Variants in SEC24D observed in about 807,000 individuals in gnomAD.
The protein encoded by SEC24D is SEC24 homolog D, COPII component.
SEC24D carries 69 observed loss-of-function variants against 116.9 expected under a neutral mutation model. The ratio of observed to expected loss-of-function variants is 0.59; its 90% CI spans 0.49 to 0.72. The LOEUF is 0.72. SEC24D is among the 30% of genes least tolerant of loss of function. The probability of loss-of-function intolerance (pLI) is 0.00; values close to 1 mark genes in which losing one functional copy is unlikely to be tolerated. For synonymous variants in SEC24D, 405 were observed against 442.8 expected, an observed-to-expected ratio of 0.91 and a Z score of 1.07; for missense variants, 1,131 against 1,264.1, an observed-to-expected ratio of 0.89 and a Z score of 1.60.
At chr4:118,819,530 C>CAA (rs373794417) in intron 3 of SEC24D, among the ~76,000 whole-genome samples, 910 of 59,190 alleles carry the variant, frequency 0.015, 14 homozygotes, top group East Asian at 0.038. Context: ...GACCCCGTCT[C>CAA]AAAAAAAAAA....
At chr4:118,822,577 T>A (rs1006210716) in intron 3 of SEC24D, among the ~76,000 whole-genome samples, 5 of 151,978 alleles carry the variant, frequency 3.3e-5, no homozygotes, top group Admixed American at 2.6e-4. Context: ...TTTACAACAA[T>A]TTTTTTTGCC....
rs1365665482 is a variant in SEC24D at position 118,744,943 on chromosome 4, C to T, written c.1824+1G>A. The T allele has an allele frequency of 3.3e-6, 5 of 1,501,896 alleles. No individual in the cohort carries two copies. Among genetic ancestry groups the T allele is most frequent in the Non-Finnish European group, 4.6e-6 (5 of 1,079,536 alleles). 93.0% of individuals were successfully genotyped at this position (1,501,896 alleles called of 1,614,324 possible). A position where few individuals can be genotyped will look rare whatever the true frequency, so the allele number is the denominator to read the frequency against. On this transcript the variant is annotated splice_donor_variant, in intron 14 of 22. Coordinates refer to ENST00000280551, the MANE Select transcript of SEC24D (RefSeq NM_014822.4). LOFTEE classifies it high-confidence loss of function. ...TGGATACTCAAAGAGTTACAAAGTA[C>T]CTTCTCTTTGTCTGTATTAACCAGT...
At chr4:118,828,202 A>G (rs2110539875) in intron 2 of SEC24D, among the ~76,000 whole-genome samples, 1 of 151,684 alleles carries the variant, frequency 6.6e-6, no homozygotes, top group South Asian at 2.1e-4. Context: ...TCCGCCTCCC[A>G]GGTTCACGCC....
At chr4:118,743,640 A>G (rs1560623908) in intron 15 of SEC24D, among the ~76,000 whole-genome samples, 1 of 152,226 alleles carries the variant, frequency 6.6e-6, no homozygotes, top group Non-Finnish European at 1.5e-5. Context: ...CTGGGATTAC[A>G]GGCATTGGGC....
At chr4:118,764,744 G>T in intron 10 of SEC24D, 58 bp downstream of exon 10, 1 of 977,034 alleles carries the variant, frequency 1.0e-6, no homozygotes, top group Non-Finnish European at 1.6e-6. Flanking sequence ...ACATATGAAA[G>T]TTATTCACTT....
Position 118,815,183 on chromosome 4 carries a change from G to C in SEC24D, c.674-28C>G, listed in dbSNP as rs1289014614. 1.9e-6 allele frequency: 3 copies of C among 1,613,030 alleles called. No individual in the cohort carries two copies. In the South Asian group the frequency reaches 3.3e-5, roughly 18 times the overall value. On this transcript the variant is annotated intron_variant, in intron 5 of 22. Coordinates refer to ENST00000280551, the MANE Select transcript of SEC24D (RefSeq NM_014822.4). ...GCTTGGAAAAAATTTAAAGAGAAAT[G>C]ACTATCATCCCAAATCCAGCATGTA...
chr4:118,779,792 G>A (rs1728313519), intron 8 of SEC24D, among the ~76,000 whole-genome samples: 2 of 152,070 alleles, frequency 1.3e-5, no homozygotes, highest in African/African-American at 4.8e-5. Context: ...CCTTTTATTG[G>A]TCTATTCAGA....
chr4:118,727,641 GC>G (rs761659865), intron 22 of SEC24D, among the ~76,000 whole-genome samples: 52 of 151,828 alleles, frequency 3.4e-4, no homozygotes, highest in Non-Finnish European at 6.3e-4. Context: ...CAGAGAGAAT[GC>G]CCTAGAAAAA....
chr4:118,822,957 C>T (rs1730458429), intron 3 of SEC24D, among the ~76,000 whole-genome samples: 2 of 151,974 alleles, frequency 1.3e-5, no homozygotes, highest in South Asian at 4.2e-4. Flanking sequence ...CTGTGAGCCA[C>T]CACACCCGGC....
intron 6 of SEC24D, among the ~76,000 whole-genome samples, chr4:118,806,962 G>A (rs188877721): frequency 6.6e-6 from 1 of 152,086 alleles, no homozygotes; most frequent in African/African-American, 2.4e-5. Flanking sequence ...ATTCCAGCCT[G>A]GGCAACAGAG....
chr4:118,814,728 G>A (rs539371864), intron 6 of SEC24D, among the ~76,000 whole-genome samples: 1 of 151,766 alleles, frequency 6.6e-6, no homozygotes, highest in Non-Finnish European at 1.5e-5. Context: ...ATTAGATAGC[G>A]ATACTGCCAA....
chr4:118,767,963 T>C (rs1029743370), intron 9 of SEC24D, among the ~76,000 whole-genome samples: 2 of 152,210 alleles, frequency 1.3e-5, no homozygotes, highest in Non-Finnish European at 2.9e-5. Context: ...ACATTTCAAC[T>C]TCCATGTGGG....
intron 11 of SEC24D, among the ~76,000 whole-genome samples, chr4:118,755,664 G>A (rs1340499560): frequency 2.6e-5 from 4 of 152,048 alleles, no homozygotes; most frequent in Non-Finnish European, 5.9e-5. Flanking sequence ...CACACTCTCA[G>A]ATGTTAATCA....
At chr4:118,763,980 C>A (rs1727514653) in intron 10 of SEC24D, among the ~76,000 whole-genome samples, 1 of 152,078 alleles carries the variant, frequency 6.6e-6, no homozygotes, top group African/African-American at 2.4e-5. Flanking sequence ...AAAATTTCAG[C>A]CAGGCATTAC....
intron 8 of SEC24D, among the ~76,000 whole-genome samples, chr4:118,785,885 T>C (rs1728647053): frequency 6.6e-6 from 1 of 152,176 alleles, no homozygotes; most frequent in Admixed American, 6.5e-5. Flanking sequence ...GAAGTTCTCA[T>C]ACTTCTCTTT....
intron 3 of SEC24D, among the ~76,000 whole-genome samples, chr4:118,823,918 CT>C (rs1730496504): frequency 6.6e-6 from 1 of 152,234 alleles, no homozygotes; most frequent in South Asian, 2.1e-4. Flanking sequence ...TTTTAAAATA[CT>C]TATTAAGCAC....
intron 10 of SEC24D, among the ~76,000 whole-genome samples, chr4:118,759,790 G>T (rs1727280040): frequency 6.6e-6 from 1 of 152,044 alleles, no homozygotes; most frequent in South Asian, 2.1e-4. Flanking sequence ...TCGTTCATTT[G>T]CTCAGTTTTA....
Position 118,778,586 on chromosome 4 carries a change from G to A in SEC24D, c.1042-10275C>T, listed in dbSNP as rs373098376. Among the ~76,000 whole-genome samples the A allele has an allele frequency of 6.0e-4, 92 of 152,316 alleles. 1 individual carries two copies. In the South Asian group the frequency reaches 7.9e-3, roughly 13 times the overall value. Reference sequence around the variant, plus strand: ...TTTTGCTTAGGATTGCTTTGGCAATGCAGGCTCTTTTTTGGTTCCATATGA... The same window carrying A: ...TTTTGCTTAGGATTGCTTTGGCAATACAGGCTCTTTTTTGGTTCCATATGA... On this transcript the variant is annotated intron_variant, in intron 8 of 22. Coordinates refer to ENST00000280551, the MANE Select transcript of SEC24D (RefSeq NM_014822.4).
intron 1 of SEC24D, 71 bp from the exon 2 acceptor site, chr4:118,833,808 A>G: frequency 2.9e-6 from 2 of 690,014 alleles, no homozygotes; most frequent in Non-Finnish European, 5.0e-6. Context: ...AAATATAAAC[A>G]CTGTTATTAC....
Sources: gnomAD v4.1 joint callset for allele counts (sites outside exome capture counted in the v4.1 genomes callset) on GRCh38, gnomAD v4.1.1 for gene constraint, MANE v1.5 for transcripts, NCBI Gene and HGNC (gene_info 2026-07-23, HGNC 2026-07-21) for gene names.